The following ZNF668 variants were observed in gnomAD, a reference collection of about 807,000 sequenced individuals.
The protein encoded by ZNF668 is zinc finger protein 668.
ZNF668 carries 10 observed loss-of-function variants against 40.3 expected under a neutral mutation model. The observed-to-expected ratio is 0.25, with a 90% confidence interval of 0.15 to 0.42. The LOEUF (loss-of-function observed/expected upper bound fraction) is 0.42, where lower values mean the gene tolerates loss of function less well. ZNF668 is among the 10% of genes least tolerant of loss of function. The pLI, the probability that ZNF668 is intolerant of heterozygous loss-of-function variation, is 1.00. For missense variants in ZNF668, 749 were observed against 904.6 expected, an observed-to-expected ratio of 0.83 and a Z score of 2.21; for synonymous variants, 428 against 384.6, an observed-to-expected ratio of 1.11 and a Z score of -1.32.
rs981793911 is a variant in ZNF668, at chr16:31,073,693, G to C, written c.-57C>G. The C allele has an allele frequency of 6.6e-6, 1 of 152,196 alleles. No individual in the cohort carries two copies. The highest frequency in any genetic ancestry group is 2.4e-5 in the African/African-American group (1 of 41,454). The allele number at this position is 152,196 out of a possible 1,614,324, so 9.4% of individuals were successfully genotyped here. A position where few individuals can be genotyped will look rare whatever the true frequency, so the allele number is the denominator to read the frequency against. Reference sequence around the variant, plus strand: ...CTTGTGCTGACTCCGTGGCGTCGGCGTCGGCTCCTCGCACCGACGGAGCCC... The same window carrying C: ...CTTGTGCTGACTCCGTGGCGTCGGCCTCGGCTCCTCGCACCGACGGAGCCC... On this transcript the variant is annotated 5_prime_UTR_variant, in exon 1 of 3. Transcript: ENST00000300849.
chr16:31,061,995 C>A lies in ZNF668; in HGVS notation c.933G>T (p.Glu311Asp), dbSNP rs775913232. The change falls in exon 3 of 3, where the codon GAG becomes GAT. Residue 311 changes from glutamate to aspartate, a missense_variant. By Grantham distance (45) the Glu-to-Asp change is conservative. Transcript: ENST00000300849. This position sits in a 1 kb window ranked among gnomAD's most constrained non-coding sequence, Gnocchi z 7.7. ...GCTGCCGGAAGTCCTTGCCGCACTTCTCGCAGTGGTATGGCTTCACCCCTT... is the reference window on the plus strand; with the variant it reads ...GCTGCCGGAAGTCCTTGCCGCACTTATCGCAGTGGTATGGCTTCACCCCTT... The part of the protein sequence containing the change: ...AHEGVKPYHC[E>D]KCGKDFRQPA... 12 of 1,613,712 alleles carry A rather than the reference C, an allele frequency of 7.4e-6. No individual in the cohort carries two copies. The highest frequency in any genetic ancestry group is 4.2e-6 in the Non-Finnish European group (5 of 1,179,884).
chr16:31,066,141 C>G, intron 1 of ZNF668: 1 of 985,464 alleles, frequency 1.0e-6, no homozygotes, highest in Non-Finnish European at 1.2e-6. Flanking sequence ...CGCTGCCCTC[C>G]CTCCCCAACC....
chr16:31,062,049 C>G lies in ZNF668; in HGVS notation c.879G>C (p.Ser293=). 1.2e-6 allele frequency: 2 copies of G among 1,613,652 alleles called. No individual in the cohort carries two copies. The highest frequency in any genetic ancestry group is 2.7e-5 in the African/African-American group (2 of 75,008). The change falls in exon 3 of 3, where the codon TCG becomes TCC. Residue 293 remains serine (S), a synonymous_variant. Transcript: ENST00000300849. The part of the protein sequence containing the change: ...PRCGRMFSDP[S]SFRRHQRAHE... ...GGGCGCGCTGGTGGCGACGGAAGCT[C>G]GAGGGGTCGGAGAACATGCGGCCGC...
intron 1 of ZNF668, among the ~76,000 whole-genome samples, chr16:31,072,489 G>T (rs1444496331): frequency 2.6e-5 from 4 of 152,198 alleles, no homozygotes; most frequent in Non-Finnish European, 5.9e-5. Flanking sequence ...TACTGGCTTA[G>T]GAAGGGGATG....
intron 1 of ZNF668, among the ~76,000 whole-genome samples, chr16:31,065,282 C>G (rs747290157): frequency 1.3e-5 from 2 of 152,246 alleles, no homozygotes; most frequent in African/African-American, 4.8e-5. Flanking sequence ...AGAACCCAGA[C>G]GCCCTCCACC....
rs1463862892 is a variant in ZNF668, at chr16:31,063,833, C to T, written c.627G>A (p.Lys209=). ...CTCACCGCTCATGGTTGCGGAGGTC[C>T]TTGAGCTCCGCATAGGCTTTGCCGC... The part of the protein sequence containing the change: ...ERCGKAYAEL[K]DLRNHERSHT... The change falls in exon 2 of 3, where the codon AAG becomes AAA. Residue 209 remains lysine, a synonymous_variant. Transcript: ENST00000300849. 1.9e-6 allele frequency: 3 copies of T among 1,580,088 alleles called. No individual in the cohort carries two copies. Among genetic ancestry groups the T allele is most frequent in the Non-Finnish European group, 2.6e-6 (3 of 1,158,442 alleles).
intron 1 of ZNF668, among the ~76,000 whole-genome samples, chr16:31,069,529 GACC>G (rs1478588432): frequency 6.6e-6 from 1 of 151,846 alleles, no homozygotes. Context: ...GAGCTTTCTT[GACC>G]ACCTTTCCTT....
At chr16:31,069,701 A>G (rs976703897) in intron 1 of ZNF668, among the ~76,000 whole-genome samples, 6 of 151,730 alleles carry the variant, frequency 4.0e-5, no homozygotes, top group African/African-American at 7.3e-5. Flanking sequence ...ATGATTATCT[A>G]TCAAGCAGTT....
At chr16:31,062,475 C>T (rs2056939376) in intron 2 of ZNF668, 195 bp from the exon 3 acceptor site, 2 of 756,386 alleles carry the variant, frequency 2.6e-6, no homozygotes, top group East Asian at 5.7e-5. Flanking sequence ...AGACCTGTCT[C>T]TGCACATTAA....
At chr16:31,065,612 G>C (rs2056975269) in intron 1 of ZNF668, 2 of 152,370 alleles carry the variant, frequency 1.3e-5, no homozygotes, top group Non-Finnish European at 2.9e-5. Flanking sequence ...CCAGCACTTT[G>C]GGAGGCCGAG....
rs766279523 is a variant in ZNF668 at position 31,060,893 on chromosome 16, C to G, written c.*175G>C. 1 of 690,298 alleles carries G rather than the reference C, an allele frequency of 1.4e-6. No homozygotes were observed. The highest frequency in any genetic ancestry group is 3.3e-5 in the Admixed American group (1 of 30,220). The allele number at this position is 690,298 out of a possible 1,614,324, so 42.8% of individuals were successfully genotyped here. ...AATGAGTGTTACTCCTAGACAGTCA[C>G]GTCTCAGCTTCTGCCAGCCTCCACT... is the stretch of plus-strand genomic sequence containing the variant. On this transcript the variant is annotated 3_prime_UTR_variant, in exon 3 of 3. Coordinates refer to ENST00000300849, the MANE Select transcript of ZNF668 (RefSeq NM_024706.5).
chr16:31,073,067 A>T (rs1033621423), intron 1 of ZNF668: 6 of 130,332 alleles, frequency 4.6e-5, no homozygotes, highest in African/African-American at 1.3e-4. Flanking sequence ...AGTTGCAGAA[A>T]CCCGGAGCTC....
chr16:31,071,255 C>G (rs1376000220), intron 1 of ZNF668, among the ~76,000 whole-genome samples: 1 of 152,174 alleles, frequency 6.6e-6, no homozygotes, highest in Non-Finnish European at 1.5e-5. Flanking sequence ...CAGCCTCCAC[C>G]TCCCGGATTC....
At position 31,062,247 on chromosome 16, in the gene ZNF668, G is replaced by A. The variant is rs1036724178; in HGVS notation, c.681C>T (p.Ser227=). The change falls in exon 3 of 3, where the codon TCC becomes TCT. Residue 227 remains serine (S), a synonymous_variant. Coordinates refer to ENST00000300849, the MANE Select transcript of ZNF668 (RefSeq NM_024706.5). Reference sequence around the variant, plus strand: ...AGCGGGAGAAGCTCTTCCCGCACTCGGAGCAGAGGAAGGGGCGCTCGCCGG... The same window carrying A: ...AGCGGGAGAAGCTCTTCCCGCACTCAGAGCAGAGGAAGGGGCGCTCGCCGG... ...SHTGERPFLC[S]ECGKSFSRSS... 2.5e-6 allele frequency: 4 copies of A among 1,609,758 alleles called. No homozygotes were observed. Among genetic ancestry groups the A allele is most frequent in the Admixed American group, 1.7e-5 (1 of 59,778 alleles).
rs1002320301 is a variant in ZNF668 at position 31,064,840 on chromosome 16, G to A, written c.-22-359C>T. 27 of 1,444,630 alleles carry A rather than the reference G, an allele frequency of 1.9e-5. No individual in the cohort carries two copies. In the African/African-American group the frequency reaches 3.3e-4, roughly 18 times the overall value. The allele number at this position is 1,444,630 out of a possible 1,614,324, so 89.5% of individuals were successfully genotyped here. On this transcript the variant is annotated intron_variant, in intron 1 of 2. Coordinates refer to ENST00000300849, the MANE Select transcript of ZNF668 (RefSeq NM_024706.5). ...GCTCAGTGTCCAAGAACTATGCCAG[G>A]ATAAAGAGTGTACCCAGACGTGGGC...
At chr16:31,069,663 T>TAGATAGAGA (rs1267315359) in intron 1 of ZNF668, among the ~76,000 whole-genome samples, 3 of 152,092 alleles carry the variant, frequency 2.0e-5, no homozygotes, top group Non-Finnish European at 4.4e-5. Context: ...TACTCTTTAT[T>TAGATAGAGA]ATTATTATTA....
intron 2 of ZNF668, 173 bp from the exon 3 acceptor site, chr16:31,062,453 T>C (rs1567398746): frequency 4.4e-6 from 4 of 915,226 alleles, no homozygotes; most frequent in Admixed American, 3.1e-5. Context: ...TGGCTGGGTG[T>C]CTCTATTCCA....
rs556688882 is a variant in ZNF668 at position 31,072,520 on chromosome 16, G to T, written c.-23+1139C>A. ...GGATGAAGTTCTGCTGTCTCACTAG[G>T]CAAGCAAAGATTCAATTTCCAAAAA... On this transcript the variant is annotated intron_variant, in intron 1 of 2. Transcript: ENST00000300849. 1.2e-4 allele frequency among the ~76,000 whole-genome samples: 19 copies of T among 152,324 alleles called. No homozygotes were observed. In the South Asian group the frequency reaches 3.9e-3, roughly 32 times the overall value.
chr16:31,066,245 C>T, intron 1 of ZNF668: 1 of 985,458 alleles, frequency 1.0e-6, no homozygotes, highest in Non-Finnish European at 1.2e-6. Context: ...ATGCAAATCC[C>T]CAGGTCCTTC....
Sources: gnomAD v4.1 joint callset for allele counts (sites outside exome capture counted in the v4.1 genomes callset) on GRCh38, gnomAD v4.1.1 for gene constraint, Gnocchi (gnomAD v3.1) non-coding constraint, MANE v1.5 for transcripts, NCBI Gene and HGNC (gene_info 2026-07-23, HGNC 2026-07-21) for gene names.